The following ARHGAP1 variants were observed in gnomAD, a reference collection of about 807,000 sequenced individuals.
The protein encoded by ARHGAP1 is Rho GTPase activating protein 1.
In ARHGAP1, 23 loss-of-function variants were observed where a neutral mutation model predicts 52.2. The observed-to-expected ratio is 0.44, with a 90% CI of 0.32 to 0.62. ARHGAP1 has a LOEUF of 0.62. Among genes scored for constraint, ARHGAP1 ranks in the 20% least tolerant of loss-of-function variants. The pLI, the probability that ARHGAP1 is intolerant of heterozygous loss-of-function variation, is 0.05. For missense variants in ARHGAP1, 480 were observed against 560.9 expected, an observed-to-expected ratio of 0.86 and a Z score of 1.46; for synonymous variants, 210 against 228.4, an observed-to-expected ratio of 0.92 and a Z score of 0.73.
intron 4 of ARHGAP1, chr11:46,687,921 C>G (rs1049920674): frequency 4.1e-6 from 2 of 484,210 alleles, no homozygotes; most frequent in Admixed American, 7.2e-5. Context: ...ATTATTATCC[C>G]TTTTGAAAGG....
intron 3 of ARHGAP1, among the ~76,000 whole-genome samples, chr11:46,693,701 C>T (rs1004927394): frequency 6.6e-6 from 1 of 152,058 alleles, no homozygotes; most frequent in African/African-American, 2.4e-5. Flanking sequence ...CAAACCAGCC[C>T]CACCCACAAC....
At chr11:46,691,282 CTG>C (rs958883994) in intron 3 of ARHGAP1, among the ~76,000 whole-genome samples, 1 of 152,002 alleles carries the variant, frequency 6.6e-6, no homozygotes, top group African/African-American at 2.4e-5. Flanking sequence ...AGTTATATTT[CTG>C]TGTTTGTTCT....
intron 4 of ARHGAP1, among the ~76,000 whole-genome samples, chr11:46,682,614 G>T (rs1413872434): frequency 1.3e-5 from 2 of 152,174 alleles, no homozygotes; most frequent in African/African-American, 2.4e-5. Flanking sequence ...AACCCAGGAG[G>T]CGGAGGTTTC....
chr11:46,694,568 C>G (rs1488388043), intron 3 of ARHGAP1, among the ~76,000 whole-genome samples: 1 of 152,190 alleles, frequency 6.6e-6, no homozygotes, highest in African/African-American at 2.4e-5. Flanking sequence ...CTGCCTTGAC[C>G]AAACAGGCCA....
chr11:46,685,081 C>T (rs1465306649), intron 4 of ARHGAP1, among the ~76,000 whole-genome samples: 1 of 112,252 alleles, frequency 8.9e-6, no homozygotes, highest in Admixed American at 1.0e-4. Flanking sequence ...GAGCGAGGCT[C>T]GGTCTCAAAA....
Position 46,679,592 on chromosome 11 carries a change from G to A in ARHGAP1, c.1027+56C>T, listed in dbSNP as rs1387465101. 1 of 1,611,430 alleles carries A rather than the reference G, an allele frequency of 6.2e-7. No individual in the cohort carries two copies. The highest frequency in any genetic ancestry group is 1.3e-5 in the African/African-American group (1 of 74,856). ...GGGAGGCGCCTAGGCCCGAAAGCCT[G>A]CAGCGCACCTGCCCCAAGTCCAGCC... On this transcript the variant is annotated intron_variant, in intron 11 of 12. Transcript: ENST00000311956. The surrounding 1 kb of genome is among the most constrained non-coding windows in gnomAD (Gnocchi z 4.4).
At chr11:46,698,650 T>C (rs1161670130) in intron 1 of ARHGAP1, among the ~76,000 whole-genome samples, 1 of 150,710 alleles carries the variant, frequency 6.6e-6, no homozygotes, top group Admixed American at 6.6e-5. Flanking sequence ...GGGGTGGATG[T>C]GAAGGAGGGA....
chr11:46,686,944 A>T (rs1402651256), intron 4 of ARHGAP1: 1 of 152,332 alleles, frequency 6.6e-6, no homozygotes, highest in Non-Finnish European at 1.5e-5. Context: ...GAAGTGATGG[A>T]GGACAAGCAG....
rs187238148 is a variant in ARHGAP1, at chr11:46,679,574, G to A, written c.1027+74C>T. ...CCCCCAGCAGTCTTCCCTGGGAGGC[G>A]CCTAGGCCCGAAAGCCTGCAGCGCA... On this transcript the variant is annotated intron_variant, in intron 11 of 12. Coordinates refer to ENST00000311956, the MANE Select transcript of ARHGAP1 (RefSeq NM_004308.5). The surrounding 1 kb of genome is among the most constrained non-coding windows in gnomAD (Gnocchi z 4.4). 7.3e-3 allele frequency: 11,685 copies of A among 1,608,662 alleles called. 50 individuals are homozygous for A. Among genetic ancestry groups the A allele is most frequent in the Non-Finnish European group, 9.0e-3 (10,612 of 1,176,758 alleles).
rs1448160830 is a variant in ARHGAP1, at chr11:46,681,546, G to A, written c.450-167C>T. 2.3e-4 allele frequency: 135 copies of A among 584,048 alleles called. No homozygotes were observed. The highest frequency in any genetic ancestry group is 6.5e-5 in the Non-Finnish European group (21 of 323,004). 36.2% of individuals were successfully genotyped at this position (584,048 alleles called of 1,614,324 possible). On this transcript the variant is annotated intron_variant, in intron 5 of 12. Transcript: ENST00000311956. The surrounding 1 kb of genome is among the most constrained non-coding windows in gnomAD (Gnocchi z 5.7). ...CCTCCCGGATTCAAGCTATTCTCCT[G>A]CCTCAGCCTCCTGAGTAACTAGGAT...
chr11:46,691,102 A>G (rs1414910036), intron 3 of ARHGAP1, among the ~76,000 whole-genome samples: 1 of 152,072 alleles, frequency 6.6e-6, no homozygotes, highest in Non-Finnish European at 1.5e-5. Flanking sequence ...TGCCCAGGCT[A>G]GTCTTGAACT....
rs1333538436 is a variant in ARHGAP1 at position 46,696,634 on chromosome 11, C to T, written c.-49-478G>A. Among the ~76,000 whole-genome samples, 1 of 152,186 alleles carries T rather than the reference C, an allele frequency of 6.6e-6. No homozygotes were observed. Among genetic ancestry groups the T allele is most frequent in the Non-Finnish European group, 1.5e-5 (1 of 68,044 alleles). ...CTGTAATCCCAGCACTTTGGGAGGC[C>T]GAGGCAGGCGGATCACCTGAGGTCA... On this transcript the variant is annotated intron_variant, in intron 1 of 12. Coordinates refer to ENST00000311956, the MANE Select transcript of ARHGAP1 (RefSeq NM_004308.5). This position sits in a 1 kb window ranked among gnomAD's most constrained non-coding sequence, Gnocchi z 4.8.
chr11:46,680,870 G>A lies in ARHGAP1; in HGVS notation c.636-123C>T, dbSNP rs540401933. ...CTCATGCGATCTCTGTAACAACTCC[G>A]CTTTCCACAGCAGAAAGCAAAGACC... On this transcript the variant is annotated intron_variant, in intron 7 of 12. Transcript: ENST00000311956. This position sits in a 1 kb window ranked among gnomAD's most constrained non-coding sequence, Gnocchi z 5.9. The A allele has an allele frequency of 8.4e-6, 9 of 1,073,726 alleles. No homozygotes were observed. The highest frequency in any genetic ancestry group is 6.3e-5 in the African/African-American group (4 of 63,440). 66.5% of individuals were successfully genotyped at this position (1,073,726 alleles called of 1,614,324 possible).
Position 46,681,382 on chromosome 11 carries a change from G to A in ARHGAP1, c.450-3C>T. 6.2e-7 allele frequency: 1 copy of A among 1,602,236 alleles called. No individual in the cohort carries two copies. The highest frequency in any genetic ancestry group is 8.6e-7 in the Non-Finnish European group (1 of 1,169,262). On this transcript the variant is annotated splice_region_variant and splice_polypyrimidine_tract_variant and intron_variant, in intron 5 of 12. Transcript: ENST00000311956. This position sits in a 1 kb window ranked among gnomAD's most constrained non-coding sequence, Gnocchi z 5.7. ...AGGCCTTGATGTTTTTCTTGTACCT[G>A]CAGAGACAGAATGGACAACTCAGGA... is the stretch of plus-strand genomic sequence containing the variant.
intron 4 of ARHGAP1, among the ~76,000 whole-genome samples, chr11:46,686,091 C>T (rs2134484518): frequency 6.6e-6 from 1 of 151,798 alleles, no homozygotes; most frequent in East Asian, 1.9e-4. Context: ...TCTGCCTCAG[C>T]CTCTTGAGTA....
At position 46,678,005 on chromosome 11, in the gene ARHGAP1, C is replaced by G. The variant is rs1428822991; in HGVS notation, c.*1032G>C. On this transcript the variant is annotated 3_prime_UTR_variant, in exon 13 of 13. Transcript: ENST00000311956. ...ATCCCCTGGGGAAATTGCTAGAACC[C>G]ACCTATCTGGACTGACCTATCAGCA... is the stretch of plus-strand genomic sequence containing the variant. 2 of 432,428 alleles carry G rather than the reference C, an allele frequency of 4.6e-6. No individual in the cohort carries two copies. The highest frequency in any genetic ancestry group is 4.2e-5 in the African/African-American group (2 of 47,754). 26.8% of individuals were successfully genotyped at this position (432,428 alleles called of 1,614,324 possible).
At chr11:46,683,009 G>A (rs1259315198) in intron 4 of ARHGAP1, among the ~76,000 whole-genome samples, 1 of 149,264 alleles carries the variant, frequency 6.7e-6, no homozygotes, top group Non-Finnish European at 1.5e-5. Context: ...GTAGATCCTG[G>A]AAGTGAAGTG....
chr11:46,685,309 C>T (rs1592386872), intron 4 of ARHGAP1, among the ~76,000 whole-genome samples: 2 of 148,402 alleles, frequency 1.3e-5, no homozygotes, highest in Admixed American at 6.7e-5. Flanking sequence ...AAAATGTACA[C>T]AATGGATTTC....
In ARHGAP1 at chr11:46,682,050, C is replaced by T; in HGVS notation, c.449+1G>A. 1 of 1,614,036 alleles carries T rather than the reference C, an allele frequency of 6.2e-7. No homozygotes were observed. The highest frequency in any genetic ancestry group is 1.1e-5 in the South Asian group (1 of 91,086). Reference sequence around the variant, plus strand: ...TGTGCAGGCCCCATGCCCCAACCCACTTGCGGTCAAACTCCCGGTAGGCAT... The same window carrying T: ...TGTGCAGGCCCCATGCCCCAACCCATTTGCGGTCAAACTCCCGGTAGGCAT... On this transcript the variant is annotated splice_donor_variant, in intron 5 of 12. Coordinates refer to ENST00000311956, the MANE Select transcript of ARHGAP1 (RefSeq NM_004308.5). LOFTEE classifies it high-confidence loss of function.
Sources: gnomAD v4.1 joint callset for allele counts (sites outside exome capture counted in the v4.1 genomes callset) on GRCh38, gnomAD v4.1.1 for gene constraint, Gnocchi (gnomAD v3.1) non-coding constraint, MANE v1.5 for transcripts, NCBI Gene and HGNC (gene_info 2026-07-23, HGNC 2026-07-21) for gene names.